The following FMNL2 variants were observed in gnomAD, a reference collection of about 807,000 sequenced individuals.
FMNL2 encodes formin-like protein 2.
FMNL2 carries 51 observed loss-of-function variants against 130.2 expected under a neutral mutation model. The observed-to-expected ratio is 0.39, with a 90% CI of 0.31 to 0.49. The LOEUF is 0.49. FMNL2 is among the 20% of genes least tolerant of loss of function. The probability of loss-of-function intolerance (pLI) is 0.85; values close to 1 mark genes in which losing one functional copy is unlikely to be tolerated. For missense variants in FMNL2, 977 were observed against 1,316.2 expected, an observed-to-expected ratio of 0.74 and a Z score of 3.99; for synonymous variants, 465 against 467.1, an observed-to-expected ratio of 1.00 and a Z score of 0.06.
At chr2:152,587,781 T>TA (rs1482603703) in intron 9 of FMNL2, among the ~76,000 whole-genome samples, 1 of 152,256 alleles carries the variant, frequency 6.6e-6, no homozygotes, top group Non-Finnish European at 1.5e-5. Flanking sequence ...GAGTGCTTTC[T>TA]ATGTGTCAGA....
chr2:152,621,543 A>G (rs1681299650), intron 15 of FMNL2, among the ~76,000 whole-genome samples: 2 of 152,176 alleles, frequency 1.3e-5, no homozygotes, highest in South Asian at 4.1e-4. Flanking sequence ...GTTGTGGCTC[A>G]TGCAATTTAG....
At chr2:152,401,591 G>A (rs1458971945) in intron 1 of FMNL2, among the ~76,000 whole-genome samples, 1 of 152,216 alleles carries the variant, frequency 6.6e-6, no homozygotes, top group Non-Finnish European at 1.5e-5. Flanking sequence ...GACCATGTCA[G>A]CGGCATTCAC....
chr2:152,594,452 G>A lies in FMNL2; in HGVS notation c.877-12887G>A, dbSNP rs141517211. Among the ~76,000 whole-genome samples, 4 of 152,274 alleles carry A rather than the reference G, an allele frequency of 2.6e-5. No individual in the cohort carries two copies. In the East Asian group the frequency reaches 5.8e-4, roughly 22 times the overall value. ...ACTGCAGACAGTATTGTGACTTCCG[G>A]CCTAAGTTCCCTTTTATGACTACTT... On this transcript the variant is annotated intron_variant, in intron 9 of 25. Coordinates refer to ENST00000288670, the MANE Select transcript of FMNL2 (RefSeq NM_052905.4).
chr2:152,365,530 T>C (rs28510143), intron 1 of FMNL2, among the ~76,000 whole-genome samples: 33,407 of 151,888 alleles, frequency 0.22, 4,447 homozygotes, highest in African/African-American at 0.38. Context: ...CTAGCACTTT[T>C]GGAGGCTGAG....
intron 12 of FMNL2, among the ~76,000 whole-genome samples, chr2:152,615,224 C>G (rs185673024): frequency 2.0e-5 from 3 of 152,096 alleles, no homozygotes; most frequent in Non-Finnish European, 4.4e-5. Flanking sequence ...CACTTACCTG[C>G]TCAGTTTCTG....
At chr2:152,394,263 T>A (rs1287639810) in intron 1 of FMNL2, among the ~76,000 whole-genome samples, 1 of 152,214 alleles carries the variant, frequency 6.6e-6, no homozygotes, top group Non-Finnish European at 1.5e-5. Flanking sequence ...CAATGTTTTT[T>A]AAAGAATTCG....
At chr2:152,538,428 C>T (rs1047329267) in intron 2 of FMNL2, among the ~76,000 whole-genome samples, 38 of 151,984 alleles carry the variant, frequency 2.5e-4, no homozygotes, top group Admixed American at 1.0e-3. Context: ...TACAGGCACG[C>T]GCCACCACGC....
chr2:152,585,920 C>CAAA (rs34744900), intron 9 of FMNL2, among the ~76,000 whole-genome samples: 5 of 130,000 alleles, frequency 3.8e-5, no homozygotes, highest in African/African-American at 8.5e-5. Flanking sequence ...AAAGGTTTGG[C>CAAA]AAAAAAAAAA....
At chr2:152,520,082 T>A (rs1692999821) in intron 1 of FMNL2, among the ~76,000 whole-genome samples, 1 of 152,224 alleles carries the variant, frequency 6.6e-6, no homozygotes, top group African/African-American at 2.4e-5. Context: ...CCAGGAGTTT[T>A]TTTTTAACAT....
At chr2:152,460,612 G>A (rs1199798989) in intron 1 of FMNL2, among the ~76,000 whole-genome samples, 1 of 152,248 alleles carries the variant, frequency 6.6e-6, no homozygotes, top group Non-Finnish European at 1.5e-5. Context: ...CGCACAAGGG[G>A]CAAGTGAGCA....
intron 1 of FMNL2, among the ~76,000 whole-genome samples, chr2:152,376,456 G>C (rs1684183631): frequency 6.6e-6 from 1 of 152,190 alleles, no homozygotes; most frequent in African/African-American, 2.4e-5. Context: ...GGATTCCTCT[G>C]AAGTCAGAAA....
chr2:152,648,192 A>AT lies in FMNL2; in HGVS notation c.*289dup, dbSNP rs1218735266. ...TTTTTAACCAAAATGTAAAGTTCTT[A>AT]TTAAACTCATTACCTGCCATTGTGA... is the stretch of plus-strand genomic sequence containing the variant. On this transcript the variant is annotated 3_prime_UTR_variant, in exon 26 of 26. Coordinates refer to ENST00000288670, the MANE Select transcript of FMNL2 (RefSeq NM_052905.4). 9.2e-6 allele frequency: 3 copies of AT among 325,494 alleles called. No individual in the cohort carries two copies. The highest frequency in any genetic ancestry group is 6.5e-5 in the African/African-American group (3 of 46,204). 20.2% of individuals were successfully genotyped at this position (325,494 alleles called of 1,614,324 possible). A position where few individuals can be genotyped will look rare whatever the true frequency, so the allele number is the denominator to read the frequency against.
rs1157205280 is a variant in FMNL2, at chr2:152,624,176, A to T, written c.1838-1262A>T. Reference sequence around the variant, plus strand: ...TTCCTCCCTTCCTTCCTCTTTTTTGAGATGGAGTTTCGCTCTTGTTACCCA... The same window carrying T: ...TTCCTCCCTTCCTTCCTCTTTTTTGTGATGGAGTTTCGCTCTTGTTACCCA... On this transcript the variant is annotated intron_variant, in intron 15 of 25. Transcript: ENST00000288670. Among the ~76,000 whole-genome samples the T allele has an allele frequency of 2.0e-5, 3 of 146,624 alleles. No homozygotes were observed. The South Asian group carries it at 6.7e-4, about 33-fold the overall frequency.
chr2:152,523,535 A>C (rs145376143), intron 2 of FMNL2, among the ~76,000 whole-genome samples: 33 of 152,356 alleles, frequency 2.2e-4, no homozygotes, highest in Non-Finnish European at 4.1e-4. Flanking sequence ...ATATATTTAA[A>C]TATATCAGCA....
chr2:152,624,531 A>G (rs3845678), intron 15 of FMNL2, among the ~76,000 whole-genome samples: 101,659 of 151,158 alleles, frequency 0.67, 34,365 homozygotes, highest in East Asian at 0.85. Flanking sequence ...CCCTTTTTTC[A>G]CTCTGTTGTC....
intron 1 of FMNL2, among the ~76,000 whole-genome samples, chr2:152,366,432 G>A (rs1683551569): frequency 6.9e-6 from 1 of 144,916 alleles, no homozygotes; most frequent in South Asian, 2.3e-4. Flanking sequence ...AAAACTTAAA[G>A]TATAATAATA....
intron 9 of FMNL2, among the ~76,000 whole-genome samples, chr2:152,605,387 T>C (rs1698312273): frequency 6.6e-6 from 1 of 152,102 alleles, no homozygotes. Flanking sequence ...GGCATGATCA[T>C]GGCTCACTGC....
rs116160615 is a variant in FMNL2 at position 152,356,828 on chromosome 2, T to A, written c.117+21108T>A. On this transcript the variant is annotated intron_variant, in intron 1 of 25. Coordinates refer to ENST00000288670, the MANE Select transcript of FMNL2 (RefSeq NM_052905.4). The stretch of plus-strand genomic sequence containing the variant: ...CAGTGTTAACTAAGTGCAGGAAGGC[T>A]GAGATGTGCCTTATGGAGAAGATAT... 8.2e-3 allele frequency among the ~76,000 whole-genome samples: 1,242 copies of A among 151,850 alleles called. 12 individuals carry two copies. The highest frequency in any genetic ancestry group is 0.029 in the African/African-American group (1,189 of 41,416).
chr2:152,376,210 T>C (rs1362498131), intron 1 of FMNL2, among the ~76,000 whole-genome samples: 1 of 152,196 alleles, frequency 6.6e-6, no homozygotes, highest in East Asian at 1.9e-4. Context: ...AATTGATTTT[T>C]AGTAAATTCT....
Sources: allele counts gnomAD v4.1 joint callset (sites outside exome capture counted in the v4.1 genomes callset), GRCh38; gene constraint gnomAD v4.1.1; transcripts MANE v1.5; gene names NCBI Gene and HGNC (gene_info 2026-07-23, HGNC 2026-07-21).